Variants in FUT9 observed in about 807,000 individuals in gnomAD.
FUT9 encodes the protein fucosyltransferase 9.
Under a neutral mutation model 29.7 loss-of-function variants are expected in FUT9, and 15 were observed. The observed-to-expected ratio is 0.51, with a 90% confidence interval of 0.34 to 0.78. FUT9 has a LOEUF of 0.78. Ranked by LOEUF, FUT9 falls within the 30% of genes least tolerant of loss-of-function variation. FUT9 has a pLI of 0.01. For synonymous variants in FUT9, 169 were observed against 153.7 expected, an observed-to-expected ratio of 1.10 and a Z score of -0.74; for missense variants, 319 against 425.4, an observed-to-expected ratio of 0.75 and a Z score of 2.20.
chr6:96,163,728 G>A (rs571381940), intron 2 of FUT9, among the ~76,000 whole-genome samples: 4 of 152,186 alleles, frequency 2.6e-5, no homozygotes, highest in Non-Finnish European at 4.4e-5. Flanking sequence ...ATTTAATTTG[G>A]CTGAAGTTTC....
chr6:96,175,137 A>C (rs1370924614), intron 2 of FUT9, among the ~76,000 whole-genome samples: 1 of 152,020 alleles, frequency 6.6e-6, no homozygotes, highest in Non-Finnish European at 1.5e-5. Flanking sequence ...GCAAGATATC[A>C]AGTGTCTTTC....
chr6:96,111,553 A>G (rs1414791561), intron 1 of FUT9, among the ~76,000 whole-genome samples: 2 of 91,434 alleles, frequency 2.2e-5, no homozygotes, highest in Admixed American at 2.3e-4. Flanking sequence ...ACACACACAC[A>G]CACACACACA....
chr6:96,086,476 A>G (rs1374591864), intron 1 of FUT9, among the ~76,000 whole-genome samples: 4 of 152,192 alleles, frequency 2.6e-5, no homozygotes, highest in African/African-American at 9.7e-5. Context: ...CTCATTTCTC[A>G]TCTTTAAATT....
intron 2 of FUT9, among the ~76,000 whole-genome samples, chr6:96,191,168 A>G (rs1773500957): frequency 1.3e-5 from 2 of 152,088 alleles, no homozygotes; most frequent in African/African-American, 4.8e-5. Context: ...GGTCCACTCT[A>G]GACCCTTTTT....
intron 2 of FUT9, among the ~76,000 whole-genome samples, chr6:96,172,648 G>A (rs537535334): frequency 1.6e-5 from 2 of 123,144 alleles, no homozygotes; most frequent in East Asian, 3.0e-4. Context: ...AAGGAAGCCC[G>A]TTATTGAAAA....
intron 1 of FUT9, among the ~76,000 whole-genome samples, chr6:96,057,959 A>T (rs926872378): frequency 6.6e-6 from 1 of 152,202 alleles, no homozygotes; most frequent in Non-Finnish European, 1.5e-5. Context: ...ACAAGCCTTC[A>T]GCCTCTCCAA....
intron 1 of FUT9, among the ~76,000 whole-genome samples, chr6:96,112,834 C>T (rs1484054551): frequency 2.0e-5 from 3 of 152,140 alleles, no homozygotes; most frequent in Admixed American, 1.3e-4. Context: ...AAAGAGAAAA[C>T]TGAATCTGCC....
intron 2 of FUT9, among the ~76,000 whole-genome samples, chr6:96,195,120 C>T (rs1388489967): frequency 6.6e-6 from 1 of 152,056 alleles, no homozygotes; most frequent in Non-Finnish European, 1.5e-5. Context: ...AAGAAATTTG[C>T]AGTACAGGAA....
intron 1 of FUT9, among the ~76,000 whole-genome samples, chr6:96,085,810 C>A (rs763324862): frequency 6.6e-6 from 1 of 152,140 alleles, no homozygotes; most frequent in Non-Finnish European, 1.5e-5. Context: ...TTCATTGCTT[C>A]TAATTGCTTT....
chr6:96,060,279 G>A (rs1455424613), intron 1 of FUT9, among the ~76,000 whole-genome samples: 1 of 152,012 alleles, frequency 6.6e-6, no homozygotes, highest in Non-Finnish European at 1.5e-5. Context: ...CACAGAATAT[G>A]AACACCTACT....
In FUT9 at chr6:96,204,272, A is replaced by T; in HGVS notation, c.*37A>T. ...ACTTGCACACTTGATAAATATTTTG[A>T]TGAGATATCATCCAAGTATTGAGGA... is the stretch of plus-strand genomic sequence containing the variant. On this transcript the variant is annotated 3_prime_UTR_variant, in exon 3 of 3. Transcript: ENST00000302103. 7.4e-7 allele frequency: 1 copy of T among 1,353,342 alleles called. No individual in the cohort carries two copies. Among genetic ancestry groups the T allele is most frequent in the Non-Finnish European group, 9.8e-7 (1 of 1,023,146 alleles). The allele number at this position is 1,353,342 out of a possible 1,614,324, so 83.8% of individuals were successfully genotyped here.
intron 1 of FUT9, among the ~76,000 whole-genome samples, chr6:96,023,409 T>C (rs1770108565): frequency 6.6e-6 from 1 of 151,936 alleles, no homozygotes; most frequent in Non-Finnish European, 1.5e-5. Context: ...TAACAGGACA[T>C]CATCTGTATA....
intron 2 of FUT9, among the ~76,000 whole-genome samples, chr6:96,126,347 G>C (rs1451175377): frequency 6.6e-6 from 1 of 152,028 alleles, no homozygotes. Flanking sequence ...AAGGGTGCTG[G>C]GCTGTTTTAA....
At chr6:96,168,776 T>G (rs1773058662) in intron 2 of FUT9, among the ~76,000 whole-genome samples, 1 of 152,158 alleles carries the variant, frequency 6.6e-6, no homozygotes, top group African/African-American at 2.4e-5. Flanking sequence ...TATTTTAAGA[T>G]GAGAGATATC....
At chr6:96,041,059 G>C (rs775334922) in intron 1 of FUT9, among the ~76,000 whole-genome samples, 14 of 151,572 alleles carry the variant, frequency 9.2e-5, no homozygotes, top group Non-Finnish European at 2.1e-4. Context: ...TTTTCTCTAG[G>C]CTGGGCCAGT....
chr6:96,146,050 A>G (rs2127974919), intron 2 of FUT9, among the ~76,000 whole-genome samples: 1 of 152,202 alleles, frequency 6.6e-6, no homozygotes, highest in East Asian at 1.9e-4. Flanking sequence ...TTATGTTGCC[A>G]GGGCTGGTCT....
At chr6:96,096,811 T>C (rs1461055496) in intron 1 of FUT9, among the ~76,000 whole-genome samples, 1 of 151,972 alleles carries the variant, frequency 6.6e-6, no homozygotes, top group Non-Finnish European at 1.5e-5. Context: ...TTCTCCTTAC[T>C]TTTTTCACTG....
At chr6:96,067,034 T>C (rs950387106) in intron 1 of FUT9, among the ~76,000 whole-genome samples, 1 of 151,984 alleles carries the variant, frequency 6.6e-6, no homozygotes, top group Admixed American at 6.6e-5. Flanking sequence ...AGCTGCCATG[T>C]GCAGAGTATT....
At chr6:96,197,162 A>C (rs1277572622) in intron 2 of FUT9, among the ~76,000 whole-genome samples, 2 of 152,190 alleles carry the variant, frequency 1.3e-5, no homozygotes, top group South Asian at 4.1e-4. Context: ...GAAAGAAGAA[A>C]AAAGAATTTT....
Sources: allele counts gnomAD v4.1 joint callset (sites outside exome capture counted in the v4.1 genomes callset), GRCh38; gene constraint gnomAD v4.1.1; transcripts MANE v1.5; gene names NCBI Gene and HGNC (gene_info 2026-07-23, HGNC 2026-07-21).